Variants in CFAP77 observed in about 807,000 individuals in gnomAD.
CFAP77 encodes cilia- and flagella-associated protein 77.
CFAP77 carries 25 observed loss-of-function variants against 31.1 expected under a neutral mutation model. That is an observed-to-expected ratio of 0.80 (90% CI 0.59 to 1.12). The LOEUF (loss-of-function observed/expected upper bound fraction) is 1.12. CFAP77 is among the 50% of genes most tolerant of loss of function. The pLI is 0.00. For missense variants in CFAP77, 377 were observed against 397.3 expected (o/e 0.95, Z 0.44); for synonymous variants, 151 against 159.9 (o/e 0.94, Z 0.42).
chr9:132,541,242 G>C (rs1038109574), intron 4 of CFAP77, among the ~76,000 whole-genome samples: 3 of 152,168 alleles, frequency 2.0e-5, no homozygotes, highest in Non-Finnish European at 4.4e-5. Flanking sequence ...TTGGCCAGCC[G>C]CCCTCCTCAG....
intron 3 of CFAP77, among the ~76,000 whole-genome samples, chr9:132,514,064 CTGA>C (rs1353414278): frequency 1.6e-4 from 19 of 116,306 alleles, no homozygotes; most frequent in South Asian, 4.6e-4. Context: ...TCTTGTGTCC[CTGA>C]CCACAGGTGA....
chr9:132,547,922 C>T (rs546440658), intron 5 of CFAP77, among the ~76,000 whole-genome samples: 2 of 152,262 alleles, frequency 1.3e-5, no homozygotes, highest in East Asian at 3.9e-4. Flanking sequence ...TGGCTAACAG[C>T]GCTTCCTCCG....
chr9:132,550,789 G>A (rs1009260410), intron 5 of CFAP77, among the ~76,000 whole-genome samples: 1 of 152,068 alleles, frequency 6.6e-6, no homozygotes, highest in African/African-American at 2.4e-5. Context: ...CAGCGAGGTT[G>A]GTGGGGTGGA....
intron 1 of CFAP77, among the ~76,000 whole-genome samples, chr9:132,485,082 C>T (rs1214124741): frequency 2.0e-5 from 3 of 152,252 alleles, no homozygotes; most frequent in South Asian, 2.1e-4. Context: ...CTGAGAGCCA[C>T]GGCACCTGGC....
chr9:132,513,058 A>G (rs1000446006), intron 3 of CFAP77, among the ~76,000 whole-genome samples: 4 of 152,174 alleles, frequency 2.6e-5, no homozygotes. Flanking sequence ...TAGTGGGTGT[A>G]TATGTTTATG....
intron 1 of CFAP77, among the ~76,000 whole-genome samples, chr9:132,426,457 A>G (rs1564200042): frequency 6.6e-6 from 1 of 152,100 alleles, no homozygotes; most frequent in Non-Finnish European, 1.5e-5. Flanking sequence ...TCAAACAGGG[A>G]GGCCTAATGT....
intron 3 of CFAP77, among the ~76,000 whole-genome samples, chr9:132,520,197 A>C (rs1852244335): frequency 6.6e-6 from 1 of 151,794 alleles, no homozygotes. Flanking sequence ...CCTCTGCTAT[A>C]ACTCCTGCCT....
intron 5 of CFAP77, among the ~76,000 whole-genome samples, chr9:132,546,905 A>G (rs531809279): frequency 6.6e-6 from 1 of 152,354 alleles, no homozygotes; most frequent in East Asian, 1.9e-4. Flanking sequence ...CTTCCAATCC[A>G]AGATTCTGTG....
chr9:132,521,167 A>T (rs113702704), intron 3 of CFAP77, among the ~76,000 whole-genome samples: 199 of 152,234 alleles, frequency 1.3e-3, no homozygotes, highest in African/African-American at 4.0e-3. Flanking sequence ...AGGATACAGG[A>T]TCGGCCCTGA....
intron 1 of CFAP77, among the ~76,000 whole-genome samples, chr9:132,438,541 A>ATATATATATATATTT: frequency 9.0e-4 from 97 of 108,104 alleles, no homozygotes; most frequent in African/African-American, 3.7e-3. Context: ...ATATATATAT[A>ATATATATATATATTT]TTTTTTTTTT....
intron 1 of CFAP77, among the ~76,000 whole-genome samples, chr9:132,467,405 T>G (rs570817): frequency 0.48 from 72,745 of 151,776 alleles, 17,806 homozygotes; most frequent in East Asian, 0.74. Context: ...CTGTCTCTGC[T>G]AATTTGACTG....
intron 5 of CFAP77, among the ~76,000 whole-genome samples, chr9:132,549,002 G>A (rs1190606331): frequency 6.6e-6 from 1 of 152,136 alleles, no homozygotes; most frequent in Non-Finnish European, 1.5e-5. Context: ...ACAGGAGATG[G>A]AGGGAAAAAA....
chr9:132,419,009 A>G (rs922113143), intron 1 of CFAP77, among the ~76,000 whole-genome samples: 2 of 152,150 alleles, frequency 1.3e-5, no homozygotes, highest in African/African-American at 4.8e-5. Flanking sequence ...AAACAGCTGT[A>G]TTTTTCCACC....
chr9:132,507,841 G>A (rs1851959302), intron 3 of CFAP77, among the ~76,000 whole-genome samples: 1 of 152,184 alleles, frequency 6.6e-6, no homozygotes, highest in Non-Finnish European at 1.5e-5. Context: ...TGACCACAAG[G>A]GGGAGCATGT....
intron 1 of CFAP77, among the ~76,000 whole-genome samples, chr9:132,471,352 G>T (rs950640428): frequency 2.6e-5 from 4 of 152,128 alleles, no homozygotes; most frequent in African/African-American, 9.7e-5. Context: ...GAGCCCCAGA[G>T]CCTCAGAGTC....
intron 5 of CFAP77, among the ~76,000 whole-genome samples, chr9:132,546,025 G>A (rs1564248060): frequency 6.6e-6 from 1 of 152,204 alleles, no homozygotes. Flanking sequence ...GACCGTGCCT[G>A]TCAGTTCCAC....
intron 1 of CFAP77, among the ~76,000 whole-genome samples, chr9:132,483,227 C>T (rs1486581349): frequency 6.6e-6 from 1 of 152,056 alleles, no homozygotes; most frequent in Non-Finnish European, 1.5e-5. Flanking sequence ...GCCAAGATCG[C>T]ACCATTGCAC....
At chr9:132,568,818 G>A (rs1372128257) in intron 5 of CFAP77, among the ~76,000 whole-genome samples, 3 of 152,108 alleles carry the variant, frequency 2.0e-5, no homozygotes, top group East Asian at 3.9e-4. Context: ...TCCCATCTCA[G>A]CCTCCCAAGT....
chr9:132,413,477 G>T (rs1850045128), intron 1 of CFAP77, among the ~76,000 whole-genome samples: 1 of 152,206 alleles, frequency 6.6e-6, no homozygotes, highest in Admixed American at 6.5e-5. Flanking sequence ...AGACAGTGAT[G>T]TGCAGTTAGC....
Sources: allele counts gnomAD v4.1 joint callset (sites outside exome capture counted in the v4.1 genomes callset), GRCh38; gene constraint gnomAD v4.1.1; transcripts MANE v1.5; gene names NCBI Gene and HGNC (gene_info 2026-07-23, HGNC 2026-07-21).